Variants in DGCR2 observed in about 807,000 individuals in gnomAD.
DGCR2 encodes the protein integral membrane protein DGCR2/IDD.
In DGCR2, 24 loss-of-function variants were observed where a neutral mutation model predicts 51.6. The ratio of observed to expected loss-of-function variants is 0.47; its 90% confidence interval spans 0.34 to 0.65. The LOEUF is 0.65. Among genes scored for constraint, DGCR2 ranks in the 30% least tolerant of loss-of-function variants. The pLI, the probability that DGCR2 is intolerant of heterozygous loss-of-function variation, is 0.01. For synonymous variants in DGCR2, 340 were observed against 315.4 expected (o/e 1.08, Z -0.82); for missense variants, 765 against 772.1 (o/e 0.99, Z 0.11).
At chr22:19,040,419 G>A (rs2082417911) in intron 9 of DGCR2, among the ~76,000 whole-genome samples, 1 of 152,232 alleles carries the variant, frequency 6.6e-6, no homozygotes, top group Non-Finnish European at 1.5e-5. Context: ...ACAGGTTTGT[G>A]TGTGTTAGGG....
At position 19,048,472 on chromosome 22, in the gene DGCR2, T is replaced by C. The variant is rs745413508; in HGVS notation, c.974A>G (p.Lys325Arg). The change falls in exon 7 of 10, where the codon AAA (lysine) becomes AGA (arginine). Residue 325 changes from lysine (K) to arginine (R), a missense_variant. Coordinates refer to ENST00000263196, the MANE Select transcript of DGCR2 (RefSeq NM_005137.3). ...CAGACACATGAACTTGCAGCACTCT[T>C]TGGGGTCCTTGCGGTACTGTTGGCA... ...QGCQQYRKDP[K>R]ECCKFMCLDP... 5.0e-6 allele frequency: 8 copies of C among 1,614,000 alleles called. No individual in the cohort carries two copies. Among genetic ancestry groups the C allele is most frequent in the Non-Finnish European group, 1.7e-6 (2 of 1,180,032 alleles).
chr22:19,044,372 G>A (rs1159557974), intron 7 of DGCR2, among the ~76,000 whole-genome samples: 1 of 152,244 alleles, frequency 6.6e-6, no homozygotes, highest in East Asian at 1.9e-4. Flanking sequence ...TGTGCAAGAA[G>A]AGCTCCAGTG....
chr22:19,075,860 GGCT>G (rs2082869968), intron 2 of DGCR2, among the ~76,000 whole-genome samples: 4 of 152,174 alleles, frequency 2.6e-5, no homozygotes, highest in African/African-American at 4.8e-5. Flanking sequence ...TCCACCTTTT[GGCT>G]ACTATGAGTA....
intron 5 of DGCR2, among the ~76,000 whole-genome samples, chr22:19,062,478 G>T (rs1328679097): frequency 6.6e-6 from 1 of 152,172 alleles, no homozygotes; most frequent in Non-Finnish European, 1.5e-5. Flanking sequence ...TCAACAGCAG[G>T]ACTGGGATGT....
intron 1 of DGCR2, among the ~76,000 whole-genome samples, chr22:19,102,906 T>A (rs1267678304): frequency 6.6e-6 from 1 of 152,024 alleles, no homozygotes; most frequent in Non-Finnish European, 1.5e-5. Context: ...CTCCGGAGGC[T>A]GAGATAGGAG....
intron 2 of DGCR2, among the ~76,000 whole-genome samples, chr22:19,078,833 T>C (rs1238995671): frequency 6.6e-6 from 1 of 152,228 alleles, no homozygotes; most frequent in African/African-American, 2.4e-5. Context: ...TCTAGTAGTA[T>C]TACTGTCTGG....
intron 2 of DGCR2, among the ~76,000 whole-genome samples, chr22:19,068,735 G>A (rs531892796): frequency 6.6e-6 from 1 of 152,376 alleles, no homozygotes; most frequent in South Asian, 2.1e-4. Context: ...CCATGGCTGT[G>A]AAGGCCTCCA....
intron 1 of DGCR2, among the ~76,000 whole-genome samples, chr22:19,091,732 T>C (rs762337474): frequency 1.8e-4 from 26 of 148,196 alleles, no homozygotes; most frequent in Non-Finnish European, 3.4e-4. Flanking sequence ...GCCAACATGG[T>C]GAATGGACAG....
chr22:19,083,817 T>C (rs1271195850), intron 2 of DGCR2, among the ~76,000 whole-genome samples: 1 of 148,524 alleles, frequency 6.7e-6, no homozygotes, highest in African/African-American at 2.5e-5. Flanking sequence ...GCAACCTCCC[T>C]GCCTGATTCT....
chr22:19,043,127 G>A (rs2082451425), intron 7 of DGCR2, among the ~76,000 whole-genome samples: 1 of 152,256 alleles, frequency 6.6e-6, no homozygotes, highest in Admixed American at 6.5e-5. Context: ...CTGAGTCCCA[G>A]CCAGGCTAGA....
rs2082396636 is a variant in DGCR2 at position 19,038,665 on chromosome 22, T to G, written c.*200A>C. ...AAAGCTATGCATGTTTCTGAAGCCCTCAAGGAAGCTCGGTGCAGGCCATCA... is the reference window on the plus strand; with the variant it reads ...AAAGCTATGCATGTTTCTGAAGCCCGCAAGGAAGCTCGGTGCAGGCCATCA... On this transcript the variant is annotated 3_prime_UTR_variant, in exon 10 of 10. Transcript: ENST00000263196. 1 of 659,624 alleles carries G rather than the reference T, an allele frequency of 1.5e-6. No homozygotes were observed. The highest frequency in any genetic ancestry group is 1.8e-5 in the African/African-American group (1 of 54,496). The allele number at this position is 659,624 out of a possible 1,614,324, so 40.9% of individuals were successfully genotyped here. A position where few individuals can be genotyped will look rare whatever the true frequency, so the allele number is the denominator to read the frequency against.
chr22:19,062,779 A>ATTCATTCTCTCTCTCTCTCTCT lies in DGCR2; in HGVS notation c.625+422_625+423insAGAGAGAGAGAGAGAGAATGAA. Among the ~76,000 whole-genome samples, 28 of 127,452 alleles carry ATTCATTCTCTCTCTCTCTCTCT rather than the reference A, an allele frequency of 2.2e-4. 2 individuals carry two copies. Among genetic ancestry groups the ATTCATTCTCTCTCTCTCTCTCT allele is most frequent in the Non-Finnish European group, 4.2e-4 (23 of 55,404 alleles). 83.6% of individuals were successfully genotyped at this position (127,452 alleles called of 152,430 possible). ...TGCGCACACACACACATGCATGCTCACTCTCTCTCTCTCTCTCTCTCTCTC... is the reference window on the plus strand; with the variant it reads ...TGCGCACACACACACATGCATGCTCATTCATTCTCTCTCTCTCTCTCTCTCTCTCTCTCTCTCTCTCTCTCTC... On this transcript the variant is annotated intron_variant, in intron 5 of 9. Transcript: ENST00000263196.
At chr22:19,086,250 A>G (rs2027794) in intron 2 of DGCR2, among the ~76,000 whole-genome samples, 62,621 of 151,580 alleles carry the variant, frequency 0.41, 13,365 homozygotes, top group African/African-American at 0.53. Context: ...GGCCGAGGAG[A>G]GCGGATCACA....
intron 4 of DGCR2, among the ~76,000 whole-genome samples, chr22:19,063,595 C>T (rs980689569): frequency 1.3e-4 from 19 of 151,696 alleles, no homozygotes; most frequent in African/African-American, 4.4e-4. Context: ...ATGACCCACC[C>T]GCCTCGGCTT....
chr22:19,070,958 G>C (rs2082807723), intron 2 of DGCR2, among the ~76,000 whole-genome samples: 1 of 152,258 alleles, frequency 6.6e-6, no homozygotes, highest in Non-Finnish European at 1.5e-5. Flanking sequence ...CCAGGCTGGG[G>C]AATGCGCATA....
intron 2 of DGCR2, among the ~76,000 whole-genome samples, chr22:19,078,343 T>A (rs1338150077): frequency 6.6e-6 from 1 of 152,208 alleles, no homozygotes; most frequent in Non-Finnish European, 1.5e-5. Context: ...TGGAATTATT[T>A]TCTTAATTTC....
chr22:19,108,476 G>A (rs968300058), intron 1 of DGCR2, among the ~76,000 whole-genome samples: 1 of 151,034 alleles, frequency 6.6e-6, no homozygotes, highest in African/African-American at 2.4e-5. Flanking sequence ...CGGTGAGGGT[G>A]AGGTGGCAGG....
chr22:19,121,388 G>A (rs1601325742), intron 1 of DGCR2: 1 of 152,130 alleles, frequency 6.6e-6, no homozygotes, highest in South Asian at 2.1e-4. Flanking sequence ...TGGATACATC[G>A]GCCCTGCATT....
At chr22:19,109,315 T>C (rs73158859) in intron 1 of DGCR2, among the ~76,000 whole-genome samples, 14,294 of 152,206 alleles carry the variant, frequency 0.094, 739 homozygotes, top group Middle Eastern at 0.15. Flanking sequence ...CCAAAATTAA[T>C]TGAAGGCAAG....
Sources: allele counts gnomAD v4.1 joint callset (sites outside exome capture counted in the v4.1 genomes callset), GRCh38; gene constraint gnomAD v4.1.1; transcripts MANE v1.5; gene names NCBI Gene and HGNC (gene_info 2026-07-23, HGNC 2026-07-21).